Variants in TUSC3 observed in about 807,000 individuals in gnomAD.
The protein encoded by TUSC3 is dolichyl-diphosphooligosaccharide--protein glycosyltransferase subunit TUSC3.
In TUSC3, 45 loss-of-function variants were observed where a neutral mutation model predicts 44.8. The observed-to-expected ratio is 1.00, with a 90% confidence interval of 0.79 to 1.29. The LOEUF (loss-of-function observed/expected upper bound fraction) is 1.29. Among genes scored for constraint, TUSC3 ranks in the 50% most tolerant of loss-of-function variants. The pLI is 0.00. For synonymous variants in TUSC3, 212 were observed against 152.9 expected (o/e 1.39, Z -2.85); for missense variants, 519 against 437.9 (o/e 1.19, Z -1.65).
chr8:15,419,316 T>C (rs1377544552), intron 1 of TUSC3, among the ~76,000 whole-genome samples: 3 of 152,230 alleles, frequency 2.0e-5, no homozygotes, highest in Non-Finnish European at 2.9e-5. Flanking sequence ...GAATGAGCTA[T>C]TGCAGTACTT....
chr8:15,609,989 TG>T (rs1362656337), intron 1 of TUSC3, among the ~76,000 whole-genome samples: 6 of 152,136 alleles, frequency 3.9e-5, no homozygotes, highest in African/African-American at 1.4e-4. Flanking sequence ...GGTATTTTAT[TG>T]TATTATTATG....
At chr8:15,750,956 ACAGAAT>A (rs573824304) in intron 9 of TUSC3, among the ~76,000 whole-genome samples, 99 of 152,060 alleles carry the variant, frequency 6.5e-4, no homozygotes, top group Non-Finnish European at 1.2e-3. Context: ...CTGCCAAGAA[ACAGAAT>A]CAGAAGAGAG....
the TUSC3 span, among the ~76,000 whole-genome samples, chr8:15,803,369 A>T: frequency 6.6e-6 from 1 of 152,218 alleles, no homozygotes; most frequent in African/African-American, 2.4e-5. Context: ...GATGACAAAA[A>T]TCAGTAACTT....
intron 1 of TUSC3, among the ~76,000 whole-genome samples, chr8:15,600,053 T>C (rs1804219384): frequency 6.6e-6 from 1 of 151,778 alleles, no homozygotes; most frequent in Admixed American, 6.6e-5. Context: ...TTTTATTTCA[T>C]TTTCTTGTCT....
chr8:15,541,169 T>G lies in TUSC3; in HGVS notation c.138+601T>G, dbSNP rs75132776. On this transcript the variant is annotated intron_variant, in intron 1 of 10. Coordinates refer to ENST00000503731, the MANE Select transcript of TUSC3 (RefSeq NM_006765.4). ...TTACGTTGAACTCAGTGTATACTTG[T>G]GAAAATAACCTGCCATTTATTTTAT... Among the ~76,000 whole-genome samples the G allele has an allele frequency of 7.3e-3, 1,112 of 152,368 alleles. 9 individuals are homozygous for G. The highest frequency in any genetic ancestry group is 0.025 in the African/African-American group (1,039 of 41,588).
the TUSC3 span, among the ~76,000 whole-genome samples, chr8:15,777,958 A>T: frequency 6.6e-6 from 1 of 152,094 alleles, no homozygotes; most frequent in East Asian, 1.9e-4. Flanking sequence ...CTATGCCTAA[A>T]TTTTTCAAAT....
At chr8:15,632,172 G>A (rs944213535) in intron 2 of TUSC3, among the ~76,000 whole-genome samples, 6 of 152,074 alleles carry the variant, frequency 3.9e-5, no homozygotes, top group African/African-American at 1.4e-4. Flanking sequence ...TCCATTTGAG[G>A]TTCATCTGTT....
intron 2 of TUSC3, among the ~76,000 whole-genome samples, chr8:15,645,536 C>T (rs1339257984): frequency 2.0e-5 from 3 of 151,898 alleles, no homozygotes; most frequent in African/African-American, 7.3e-5. Context: ...ATATGTATAC[C>T]TTATTTATGT....
intron 7 of TUSC3, among the ~76,000 whole-genome samples, chr8:15,735,347 T>C (rs572640871): frequency 1.3e-5 from 2 of 152,314 alleles, no homozygotes; most frequent in South Asian, 2.1e-4. Flanking sequence ...CAGAGATGAT[T>C]CTGAAGTTCA....
At chr8:15,850,016 C>T in the TUSC3 span, among the ~76,000 whole-genome samples, 1 of 151,922 alleles carries the variant, frequency 6.6e-6, no homozygotes, top group Non-Finnish European at 1.5e-5. Context: ...CTTCGACTTC[C>T]TCTGTCTCCT....
At chr8:15,724,576 C>A (rs1810426092) in intron 6 of TUSC3, among the ~76,000 whole-genome samples, 2 of 152,092 alleles carry the variant, frequency 1.3e-5, no homozygotes, top group African/African-American at 4.8e-5. Flanking sequence ...TTTCTTCCTT[C>A]TTTTTGCTTT....
chr8:15,484,198 A>G (rs1470415652), intron 2 of TUSC3, among the ~76,000 whole-genome samples: 1 of 152,140 alleles, frequency 6.6e-6, no homozygotes, highest in Non-Finnish European at 1.5e-5. Context: ...TAATATTTAC[A>G]TGCACTTATG....
intron 2 of TUSC3, among the ~76,000 whole-genome samples, chr8:15,485,806 T>G (rs901141069): frequency 1.3e-4 from 19 of 147,628 alleles, no homozygotes; most frequent in East Asian, 2.0e-4. Context: ...TTGTTTGTTT[T>G]TTTGAGGCAG....
At position 15,703,302 on chromosome 8, in the gene TUSC3, A is replaced by G. The variant is rs191821670; in HGVS notation, c.799-27364A>G. On this transcript the variant is annotated intron_variant, in intron 6 of 10. Transcript: ENST00000503731. ...TATTATGGAAATAGAGGTAAAACAAATAACATATTCCAGCTACTCTATACT... is the reference window on the plus strand; with the variant it reads ...TATTATGGAAATAGAGGTAAAACAAGTAACATATTCCAGCTACTCTATACT... Among the ~76,000 whole-genome samples, 7 of 152,284 alleles carry G rather than the reference A, an allele frequency of 4.6e-5. No individual in the cohort carries two copies. The East Asian group carries it at 1.2e-3, about 25-fold the overall frequency.
chr8:15,817,422 C>T, the TUSC3 span, among the ~76,000 whole-genome samples: 9 of 151,832 alleles, frequency 5.9e-5, no homozygotes, highest in Admixed American at 5.9e-4. Context: ...ACATATAAAA[C>T]AAATGTGGTT....
At chr8:15,692,154 G>A (rs1808928575) in intron 6 of TUSC3, among the ~76,000 whole-genome samples, 1 of 152,090 alleles carries the variant, frequency 6.6e-6, no homozygotes, top group Admixed American at 6.5e-5. Context: ...AACCAACATT[G>A]CATACCAGGG....
chr8:15,784,475 T>C, the TUSC3 span, among the ~76,000 whole-genome samples: 1 of 151,902 alleles, frequency 6.6e-6, no homozygotes, highest in South Asian at 2.1e-4. Context: ...CATGAATGAA[T>C]GGATTCGAAA....
In TUSC3 at chr8:15,457,761, AAATT is replaced by A. The variant is rs558311336; in HGVS notation, n.92-25623_92-25620del. ...TCTAATAATTTAAAATAAAATAGAT[AAATT>A]AGATAATCTAATAAATTAGATTATC... On this transcript the variant is annotated intron_variant and non_coding_transcript_variant, in intron 1 of 5. Coordinates refer to the TUSC3 transcript ENST00000503191. Among the ~76,000 whole-genome samples the A allele has an allele frequency of 3.8e-3, 568 of 148,304 alleles. 2 individuals are homozygous for A. Among genetic ancestry groups the A allele is most frequent in the African/African-American group, 0.013 (528 of 40,944 alleles).
chr8:15,721,932 A>G (rs1004963780), intron 6 of TUSC3, among the ~76,000 whole-genome samples: 3 of 151,740 alleles, frequency 2.0e-5, no homozygotes, highest in South Asian at 2.1e-4. Flanking sequence ...ATAGTATACT[A>G]CTATCCTAAT....
Sources: allele counts gnomAD v4.1 joint callset (sites outside exome capture counted in the v4.1 genomes callset), GRCh38; gene constraint gnomAD v4.1.1; transcripts MANE v1.5; gene names NCBI Gene and HGNC (gene_info 2026-07-23, HGNC 2026-07-21).